RP1L1: variants seen among roughly 807,000 people sequenced by gnomAD.
RP1L1 encodes the protein RP1 like 1.
In RP1L1, 27 loss-of-function variants were observed where a neutral mutation model predicts 15.7. The observed-to-expected ratio is 1.72, with a 90% confidence interval of 1.27 to 2.38. The LOEUF is 2.38. Among genes scored for constraint, RP1L1 ranks in the 30% most tolerant of loss-of-function variants. The pLI is 0.00. For synonymous variants in RP1L1, 1,813 were observed against 1,276.7 expected (o/e 1.42, Z -8.96); for missense variants, 4,798 against 3,075.9 (o/e 1.56, Z -13.24).
intron 3 of RP1L1, 109 bp from the exon 4 acceptor site, chr8:10,613,455 A>T: frequency 2.7e-6 from 4 of 1,462,932 alleles, no homozygotes; most frequent in Non-Finnish European, 3.7e-6. Flanking sequence ...CCTCAGCATC[A>T]CCACTGCCTC....
At chr8:10,632,873 T>A (rs568036191) in intron 1 of RP1L1, among the ~76,000 whole-genome samples, 1 of 152,222 alleles carries the variant, frequency 6.6e-6, no homozygotes, top group Admixed American at 6.5e-5. Flanking sequence ...GAATGAGCTA[T>A]CCCTTTAAGG....
intron 1 of RP1L1, among the ~76,000 whole-genome samples, chr8:10,644,676 A>G (rs1171050140): frequency 6.6e-6 from 1 of 152,234 alleles, no homozygotes; most frequent in Non-Finnish European, 1.5e-5. Flanking sequence ...GCTTTCCCTG[A>G]CGATGCTGTG....
intron 1 of RP1L1, among the ~76,000 whole-genome samples, chr8:10,630,531 T>C (rs1188444765): frequency 6.6e-6 from 1 of 152,218 alleles, no homozygotes; most frequent in Non-Finnish European, 1.5e-5. Context: ...AGACAAATTC[T>C]GCAGAGTGGA....
chr8:10,641,687 T>G (rs1264702153), intron 1 of RP1L1, among the ~76,000 whole-genome samples: 1 of 152,230 alleles, frequency 6.6e-6, no homozygotes, highest in African/African-American at 2.4e-5. Context: ...AATGAAAACT[T>G]AAGTTCACAC....
At chr8:10,632,033 C>T (rs1798260829) in intron 1 of RP1L1, among the ~76,000 whole-genome samples, 1 of 152,168 alleles carries the variant, frequency 6.6e-6, no homozygotes. Flanking sequence ...ACACGGTGGG[C>T]AGTGGGGGAG....
Position 10,613,087 on chromosome 8 carries a change from G to A in RP1L1, c.1011C>T (p.Leu337=), listed in dbSNP as rs1797899516. Reference sequence around the variant, plus strand: ...CCCTGCCCATCCTCCGGGACCATAGGAGCGTGTCCTCGCCGACCAGGTGGA... The same window carrying A: ...CCCTGCCCATCCTCCGGGACCATAGAAGCGTGTCCTCGCCGACCAGGTGGA... ...VRFHLVGEDT[L]LWSRRMGRAS... The change falls in exon 4 of 4, where the codon CTC becomes CTT. Residue 337 remains leucine, a synonymous_variant. Coordinates refer to ENST00000382483, the MANE Select transcript of RP1L1 (RefSeq NM_178857.6). 3.1e-6 allele frequency: 5 copies of A among 1,613,852 alleles called. No individual in the cohort carries two copies. The highest frequency in any genetic ancestry group is 1.1e-5 in the South Asian group (1 of 91,084).
At chr8:10,637,640 A>G (rs1798349195) in intron 1 of RP1L1, among the ~76,000 whole-genome samples, 1 of 152,198 alleles carries the variant, frequency 6.6e-6, no homozygotes, top group Admixed American at 6.5e-5. Flanking sequence ...CACTAGATCT[A>G]CTTGATATAT....
chr8:10,642,849 T>C (rs954259959), intron 1 of RP1L1, among the ~76,000 whole-genome samples: 2 of 152,116 alleles, frequency 1.3e-5, no homozygotes, highest in African/African-American at 4.8e-5. Flanking sequence ...TAAAAAATAA[T>C]AATGATTAGG....
chr8:10,623,942 C>A (rs145050899), intron 1 of RP1L1, among the ~76,000 whole-genome samples: 26 of 150,728 alleles, frequency 1.7e-4, no homozygotes, highest in African/African-American at 6.4e-4. Context: ...GTGTCCCCAG[C>A]ACCTCCACAT....
intron 3 of RP1L1, 80 bp downstream of exon 3, chr8:10,616,366 A>G (rs1268172839): frequency 5.7e-6 from 9 of 1,586,644 alleles, no homozygotes; most frequent in Non-Finnish European, 7.8e-6. Flanking sequence ...TTCCTGAATT[A>G]CCTGGAAGGC....
intron 1 of RP1L1, among the ~76,000 whole-genome samples, chr8:10,653,395 C>A (rs534864418): frequency 6.6e-6 from 1 of 151,870 alleles, no homozygotes; most frequent in South Asian, 2.1e-4. Flanking sequence ...ATGTTGCCAG[C>A]CACAGTCTAC....
chr8:10,610,077 T>A lies in RP1L1; in HGVS notation c.4021A>T (p.Thr1341Ser). The change falls in exon 4 of 4, where the codon ACT becomes TCT. Residue 1341 changes from threonine (T) to serine (S), a missense_variant. Physicochemically the swap from Thr to Ser is moderately conservative, Grantham distance 58. Transcript: ENST00000382483. ...TGTCCTTCTCCTTCTGTTTCTTTAGTTTCCTCTAACTGCACCCCCTCTTCT... is the reference window on the plus strand; with the variant it reads ...TGTCCTTCTCCTTCTGTTTCTTTAGATTCCTCTAACTGCACCCCCTCTTCT... ...LQEEGVQLEE[T>S]KETEGEGQQE... 3 of 1,466,036 alleles carry A rather than the reference T, an allele frequency of 2.0e-6. 1 individual carries two copies. The highest frequency in any genetic ancestry group is 5.8e-5 in the East Asian group (2 of 34,456). The allele number at this position is 1,466,036 out of a possible 1,614,324, so 90.8% of individuals were successfully genotyped here.
At chr8:10,641,100 G>A (rs1355636990) in intron 1 of RP1L1, among the ~76,000 whole-genome samples, 2 of 152,190 alleles carry the variant, frequency 1.3e-5, no homozygotes, top group African/African-American at 4.8e-5. Flanking sequence ...AATAAAATAC[G>A]TTTTTCATAC....
intron 1 of RP1L1, among the ~76,000 whole-genome samples, chr8:10,624,670 T>C (rs1197244697): frequency 6.7e-6 from 1 of 150,128 alleles, no homozygotes; most frequent in Admixed American, 6.6e-5. Flanking sequence ...GAGGAGAAGG[T>C]CGGAGGCTTC....
At chr8:10,627,559 G>T (rs1431275410) in intron 1 of RP1L1, among the ~76,000 whole-genome samples, 1 of 151,942 alleles carries the variant, frequency 6.6e-6, no homozygotes. Flanking sequence ...GGTGATGGTG[G>T]TCGCACACCA....
chr8:10,631,840 C>G (rs1798258070), intron 1 of RP1L1, among the ~76,000 whole-genome samples: 1 of 152,216 alleles, frequency 6.6e-6, no homozygotes, highest in Non-Finnish European at 1.5e-5. Flanking sequence ...GGGGAAGACA[C>G]TGCCAGGCAA....
chr8:10,647,523 C>G (rs1798497224), intron 1 of RP1L1, among the ~76,000 whole-genome samples: 1 of 152,194 alleles, frequency 6.6e-6, no homozygotes, highest in African/African-American at 2.4e-5. Flanking sequence ...CTGACAGCCA[C>G]CATTTTGCTT....
intron 2 of RP1L1, among the ~76,000 whole-genome samples, chr8:10,620,906 G>C (rs1249512848): frequency 6.6e-6 from 1 of 152,188 alleles, no homozygotes; most frequent in Non-Finnish European, 1.5e-5. Context: ...TCAGGAATAT[G>C]GTTCGGTCAC....
intron 2 of RP1L1, among the ~76,000 whole-genome samples, chr8:10,622,016 G>T (rs1798067453): frequency 6.6e-6 from 1 of 152,212 alleles, no homozygotes; most frequent in Admixed American, 6.5e-5. Context: ...TATTGGATAA[G>T]ACAACAATAA....
Sources: gnomAD v4.1 joint callset for allele counts (sites outside exome capture counted in the v4.1 genomes callset) on GRCh38, gnomAD v4.1.1 for gene constraint, MANE v1.5 for transcripts, NCBI Gene and HGNC (gene_info 2026-07-23, HGNC 2026-07-21) for gene names.